The following GALNTL6 variants were observed in gnomAD, a reference collection of about 807,000 sequenced individuals.
GALNTL6 encodes polypeptide N-acetylgalactosaminyltransferase-like 6.
GALNTL6 carries 46 observed loss-of-function variants against 73.7 expected under a neutral mutation model. That is an observed-to-expected ratio of 0.62 (90% CI 0.49 to 0.80). The LOEUF is 0.80. GALNTL6 is among the 30% of genes least tolerant of loss of function. GALNTL6 has a pLI of 0.00. For missense variants in GALNTL6, 604 were observed against 755.0 expected, an observed-to-expected ratio of 0.80 and a Z score of 2.34; for synonymous variants, 259 against 263.7, an observed-to-expected ratio of 0.98 and a Z score of 0.17.
At chr4:172,105,829 A>G (rs1295729822) in intron 2 of GALNTL6, among the ~76,000 whole-genome samples, 1 of 152,178 alleles carries the variant, frequency 6.6e-6, no homozygotes, top group East Asian at 1.9e-4. Context: ...TTGCATCTAC[A>G]TGTTCAATAG....
At chr4:172,581,609 CCAACCA>C (rs1291010625) in intron 5 of GALNTL6, among the ~76,000 whole-genome samples, 1 of 152,176 alleles carries the variant, frequency 6.6e-6, no homozygotes, top group Non-Finnish European at 1.5e-5. Flanking sequence ...CTTCCTGGAC[CCAACCA>C]CATGTCACCC....
intron 7 of GALNTL6, among the ~76,000 whole-genome samples, chr4:172,850,905 G>T (rs1389764035): frequency 6.6e-6 from 1 of 152,102 alleles, no homozygotes; most frequent in African/African-American, 2.4e-5. Context: ...AGGGGAAGAG[G>T]CAGGGAGCTT....
At chr4:172,107,961 T>C (rs1253089648) in intron 2 of GALNTL6, among the ~76,000 whole-genome samples, 1 of 152,170 alleles carries the variant, frequency 6.6e-6, no homozygotes, top group Non-Finnish European at 1.5e-5. Context: ...TACTGTCACA[T>C]GGAAGAAAAG....
chr4:171,978,581 G>A (rs2111076004), intron 2 of GALNTL6, among the ~76,000 whole-genome samples: 2 of 152,276 alleles, frequency 1.3e-5, no homozygotes, highest in South Asian at 2.1e-4. Context: ...CAGTGAGTTG[G>A]TCCCTGCCAC....
At chr4:172,285,877 A>G (rs988005184) in intron 3 of GALNTL6, among the ~76,000 whole-genome samples, 1 of 152,320 alleles carries the variant, frequency 6.6e-6, no homozygotes, top group African/African-American at 2.4e-5. Flanking sequence ...TCCGGCAGAC[A>G]TTGCCTTTAA....
At chr4:172,321,980 A>C (rs1353758521) in intron 4 of GALNTL6, among the ~76,000 whole-genome samples, 1 of 152,160 alleles carries the variant, frequency 6.6e-6, no homozygotes, top group Non-Finnish European at 1.5e-5. Context: ...CATGCACACA[A>C]AGAGGCAAAA....
intron 4 of GALNTL6, among the ~76,000 whole-genome samples, chr4:172,336,618 T>C (rs1330386586): frequency 6.6e-6 from 1 of 152,074 alleles, no homozygotes; most frequent in East Asian, 1.9e-4. Flanking sequence ...ATGGTTGGTA[T>C]GGCTTTGATT....
chr4:172,507,407 A>C (rs1342862047), intron 5 of GALNTL6, among the ~76,000 whole-genome samples: 1 of 54,192 alleles, frequency 1.8e-5, no homozygotes, highest in African/African-American at 4.6e-5. Flanking sequence ...GAAGGGCAGA[A>C]GAAGGTCGGG....
intron 2 of GALNTL6, among the ~76,000 whole-genome samples, chr4:172,035,016 C>A (rs1038098990): frequency 9.2e-5 from 14 of 152,172 alleles, no homozygotes; most frequent in African/African-American, 3.1e-4. Flanking sequence ...ATGTTACTGT[C>A]ATTACTATTA....
At chr4:172,276,864 A>G (rs1431685749) in intron 3 of GALNTL6, among the ~76,000 whole-genome samples, 3 of 152,282 alleles carry the variant, frequency 2.0e-5, no homozygotes, top group Non-Finnish European at 2.9e-5. Flanking sequence ...TATTTAAAAT[A>G]TAGATTATTT....
intron 3 of GALNTL6, among the ~76,000 whole-genome samples, chr4:172,271,006 T>G (rs974672736): frequency 6.6e-6 from 1 of 152,140 alleles, no homozygotes; most frequent in Non-Finnish European, 1.5e-5. Context: ...AGATGTCCCA[T>G]AGATAAAGAC....
intron 8 of GALNTL6, among the ~76,000 whole-genome samples, chr4:172,920,406 A>G (rs1747733791): frequency 6.6e-6 from 1 of 152,210 alleles, no homozygotes; most frequent in Admixed American, 6.5e-5. Flanking sequence ...AAGTAGTTTA[A>G]TGATAGCCAT....
intron 3 of GALNTL6, among the ~76,000 whole-genome samples, chr4:172,283,532 CAGAA>C (rs1739136854): frequency 6.6e-6 from 1 of 152,022 alleles, no homozygotes; most frequent in Non-Finnish European, 1.5e-5. Context: ...TTTTCCTAAA[CAGAA>C]GGATGCTAAA....
chr4:173,014,683 A>G (rs1752704523), intron 11 of GALNTL6, among the ~76,000 whole-genome samples: 1 of 152,226 alleles, frequency 6.6e-6, no homozygotes, highest in Non-Finnish European at 1.5e-5. Context: ...AAACCTCATA[A>G]CAATGAAATA....
chr4:172,057,541 A>T (rs2110872347), intron 2 of GALNTL6, among the ~76,000 whole-genome samples: 1 of 148,928 alleles, frequency 6.7e-6, no homozygotes, highest in South Asian at 2.1e-4. Flanking sequence ...GTAAAAAAAT[A>T]AAAATAAAAA....
At chr4:172,370,078 C>T (rs1742738360) in intron 5 of GALNTL6, among the ~76,000 whole-genome samples, 1 of 152,152 alleles carries the variant, frequency 6.6e-6, no homozygotes, top group South Asian at 2.1e-4. Context: ...TGGCCGATGA[C>T]CACTCTAGCT....
intron 2 of GALNTL6, among the ~76,000 whole-genome samples, chr4:171,905,892 T>A (rs1737260468): frequency 6.6e-6 from 1 of 150,768 alleles, no homozygotes; most frequent in African/African-American, 2.4e-5. Flanking sequence ...CCTGAATGAC[T>A]ACTGGGTACA....
Position 172,311,624 on chromosome 4 carries a change from A to G in GALNTL6, c.258A>G (p.Glu86=). 2 of 1,603,082 alleles carry G rather than the reference A, an allele frequency of 1.2e-6. No homozygotes were observed. ...QKEAMRSGKG[E]HGKPYPLTEE... is the part of the protein sequence containing the mutation. ...GTTTTCTCCTGCTAGGGAAAGGTGA[A>G]CATGGGAAACCTTACCCCCTTACTG... The change falls in exon 4 of 13, where the codon GAA becomes GAG. Residue 86 remains glutamate (E), a synonymous_variant. Transcript: ENST00000506823.
intron 5 of GALNTL6, among the ~76,000 whole-genome samples, chr4:172,534,855 C>T (rs566281226): frequency 6.6e-5 from 10 of 152,240 alleles, no homozygotes; most frequent in Admixed American, 2.6e-4. Flanking sequence ...CGTGAGCCAC[C>T]GTGCCTGGCC....
Sources: allele counts gnomAD v4.1 joint callset (sites outside exome capture counted in the v4.1 genomes callset), GRCh38; gene constraint gnomAD v4.1.1; transcripts MANE v1.5; gene names NCBI Gene and HGNC (gene_info 2026-07-23, HGNC 2026-07-21).